The following KCTD20 variants were observed in gnomAD, a reference collection of about 807,000 sequenced individuals.
KCTD20 encodes the protein potassium channel tetramerization domain containing 20, also known as BTB/POZ domain-containing protein KCTD20.
KCTD20 carries 30 observed loss-of-function variants against 39.6 expected under a neutral mutation model. The observed-to-expected ratio is 0.76, with a 90% CI of 0.57 to 1.03. The LOEUF is 1.03. Ranked by LOEUF, KCTD20 falls within the 50% of genes least tolerant of loss-of-function variation. KCTD20 has a pLI of 0.00. For missense variants in KCTD20, 422 were observed against 522.0 expected (o/e 0.81, Z 1.87); for synonymous variants, 162 against 180.6 (o/e 0.90, Z 0.83).
intron 6 of KCTD20, among the ~76,000 whole-genome samples, chr6:36,482,207 T>C (rs1177263176): frequency 1.3e-5 from 2 of 152,212 alleles, no homozygotes; most frequent in African/African-American, 4.8e-5. Context: ...TCTCCTCCTT[T>C]TTCAAATGTA....
chr6:36,485,314 C>CA (rs549109044), intron 7 of KCTD20, among the ~76,000 whole-genome samples: 2,925 of 134,920 alleles, frequency 0.022, 93 homozygotes, highest in African/African-American at 0.068. Flanking sequence ...AACTTCATCT[C>CA]AAAAAAAAAA....
chr6:36,455,727 G>A (rs1359569757), intron 1 of KCTD20, among the ~76,000 whole-genome samples: 1 of 152,186 alleles, frequency 6.6e-6, no homozygotes, highest in African/African-American at 2.4e-5. Context: ...AGCCAGGAGG[G>A]ACAGGCAGGA....
intron 1 of KCTD20, among the ~76,000 whole-genome samples, chr6:36,452,060 C>T (rs1775273317): frequency 6.6e-6 from 1 of 152,212 alleles, no homozygotes; most frequent in Non-Finnish European, 1.5e-5. Context: ...ATCTGCCCAC[C>T]TTGGCCTCCC....
At chr6:36,463,157 T>C (rs1775648841) in intron 1 of KCTD20, among the ~76,000 whole-genome samples, 1 of 152,200 alleles carries the variant, frequency 6.6e-6, no homozygotes, top group African/African-American at 2.4e-5. Context: ...TTCTCTTTCA[T>C]ATGGTAATAA....
At chr6:36,474,238 C>A (rs1427164595) in intron 2 of KCTD20, among the ~76,000 whole-genome samples, 2 of 131,020 alleles carry the variant, frequency 1.5e-5, no homozygotes, top group Admixed American at 9.0e-5. Flanking sequence ...CCCCACCCCA[C>A]AACAGTCACC....
In KCTD20 at chr6:36,478,094, CA is replaced by C. The variant is rs1301151019; in HGVS notation, c.435-1016del. ...TGGGCAACAGAGCGAAACTCCATCT[CA>C]AAAAAAAAAAGAAAAGAAAAGCAGC... On this transcript the variant is annotated intron_variant, in intron 3 of 7. Coordinates refer to ENST00000373731, the MANE Select transcript of KCTD20 (RefSeq NM_173562.5). 1.1e-3 allele frequency among the ~76,000 whole-genome samples: 94 copies of C among 87,558 alleles called. 1 individual carries two copies. The highest frequency in any genetic ancestry group is 1.5e-3 in the Non-Finnish European group (70 of 46,026). The allele number at this position is 87,558 out of a possible 152,430, so 57.4% of individuals were successfully genotyped here.
chr6:36,479,981 T>C (rs545859665), intron 5 of KCTD20, among the ~76,000 whole-genome samples: 1 of 151,914 alleles, frequency 6.6e-6, no homozygotes, highest in Admixed American at 6.6e-5. Flanking sequence ...TTAGTAGAGA[T>C]AGGGTTTTGC....
In KCTD20 at chr6:36,487,351, T is replaced by C. The variant is rs1391059320; in HGVS notation, c.*176T>C. On this transcript the variant is annotated 3_prime_UTR_variant, in exon 8 of 8. Coordinates refer to ENST00000373731, the MANE Select transcript of KCTD20 (RefSeq NM_173562.5). ...GTAAGTCCATGCCTCTGGCAGGGGATGAAGAAGTACTCACTGGTAATTAGC... is the reference window on the plus strand; with the variant it reads ...GTAAGTCCATGCCTCTGGCAGGGGACGAAGAAGTACTCACTGGTAATTAGC... 6 of 646,282 alleles carry C rather than the reference T, an allele frequency of 9.3e-6. No homozygotes were observed. Among genetic ancestry groups the C allele is most frequent in the Non-Finnish European group, 1.6e-5 (6 of 385,326 alleles). 40.0% of individuals were successfully genotyped at this position (646,282 alleles called of 1,614,324 possible). A position where few individuals can be genotyped will look rare whatever the true frequency, so the allele number is the denominator to read the frequency against.
At chr6:36,464,619 A>G (rs895066824) in intron 1 of KCTD20, among the ~76,000 whole-genome samples, 1 of 152,036 alleles carries the variant, frequency 6.6e-6, no homozygotes, top group African/African-American at 2.4e-5. Flanking sequence ...CCCTCCCCCA[A>G]ACTTCATCCC....
intron 3 of KCTD20, among the ~76,000 whole-genome samples, chr6:36,476,824 T>C (rs1776078865): frequency 6.6e-6 from 1 of 152,196 alleles, no homozygotes; most frequent in Non-Finnish European, 1.5e-5. Flanking sequence ...TTTTCCAGAC[T>C]GGCCCTCTAT....
chr6:36,470,712 C>T (rs929902277), intron 2 of KCTD20, among the ~76,000 whole-genome samples: 1 of 152,130 alleles, frequency 6.6e-6, no homozygotes, highest in African/African-American at 2.4e-5. Flanking sequence ...GTGAGCCTCT[C>T]ACCTCAGCCT....
At chr6:36,460,966 A>C (rs1239869903) in intron 1 of KCTD20, among the ~76,000 whole-genome samples, 1 of 152,080 alleles carries the variant, frequency 6.6e-6, no homozygotes, top group Non-Finnish European at 1.5e-5. Flanking sequence ...GTGTAAAATG[A>C]GGGTAACAAT....
chr6:36,464,752 A>G (rs1775693465), intron 1 of KCTD20, among the ~76,000 whole-genome samples: 1 of 152,212 alleles, frequency 6.6e-6, no homozygotes, highest in Non-Finnish European at 1.5e-5. Context: ...GAAAAAGCAC[A>G]ATGGAACTAG....
Position 36,489,555 on chromosome 6 carries a change from C to G in KCTD20, c.*2380C>G, listed in dbSNP as rs1379243521. On this transcript the variant is annotated 3_prime_UTR_variant, in exon 8 of 8. Transcript: ENST00000373731. The stretch of plus-strand genomic sequence containing the variant: ...TTATTTCTATGCCCCTCCCACCACC[C>G]TCCACCTAGAGCTCACCCAAGCCTG... 1 of 152,198 alleles carries G rather than the reference C, an allele frequency of 6.6e-6. No individual in the cohort carries two copies. Among genetic ancestry groups the G allele is most frequent in the Non-Finnish European group, 1.5e-5 (1 of 68,040 alleles). The allele number at this position is 152,198 out of a possible 1,614,324, so 9.4% of individuals were successfully genotyped here.
At chr6:36,464,561 A>G (rs1344246645) in intron 1 of KCTD20, among the ~76,000 whole-genome samples, 1 of 152,126 alleles carries the variant, frequency 6.6e-6, no homozygotes, top group Non-Finnish European at 1.5e-5. Flanking sequence ...ATAGTCCTAG[A>G]AGGAGGTCTT....
intron 6 of KCTD20, 35 bp from the exon 7 acceptor site, chr6:36,484,679 A>T: frequency 1.0e-6 from 1 of 987,268 alleles, no homozygotes; most frequent in Non-Finnish European, 1.6e-6. Flanking sequence ...TTAGGTCTTT[A>T]CTCCATGGCT....
Position 36,469,519 on chromosome 6 carries a change from A to G in KCTD20, c.-46-533A>G, listed in dbSNP as rs552923497. Reference sequence around the variant, plus strand: ...GCATAAGGTATACAAAGTGAAAGAGAGAAAAGGGGAGATAAAAAGGAGAAC... The same window carrying G: ...GCATAAGGTATACAAAGTGAAAGAGGGAAAAGGGGAGATAAAAAGGAGAAC... On this transcript the variant is annotated intron_variant, in intron 1 of 7. Coordinates refer to ENST00000373731, the MANE Select transcript of KCTD20 (RefSeq NM_173562.5). This position sits in a 1 kb window ranked among gnomAD's most constrained non-coding sequence, Gnocchi z 4.6. 1.4e-4 allele frequency among the ~76,000 whole-genome samples: 13 copies of G among 90,660 alleles called. No individual in the cohort carries two copies. The East Asian group carries it at 6.1e-3, about 42-fold the overall frequency. 59.5% of individuals were successfully genotyped at this position (90,660 alleles called of 152,430 possible). A position where few individuals can be genotyped will look rare whatever the true frequency, so the allele number is the denominator to read the frequency against.
chr6:36,455,946 G>A (rs1437266064), intron 1 of KCTD20, among the ~76,000 whole-genome samples: 2 of 152,124 alleles, frequency 1.3e-5, no homozygotes, highest in Admixed American at 6.5e-5. Context: ...TTTGAATAAC[G>A]GGACTGTAGC....
intron 1 of KCTD20, among the ~76,000 whole-genome samples, chr6:36,455,146 G>A (rs1027306786): frequency 6.6e-6 from 1 of 151,792 alleles, no homozygotes; most frequent in Non-Finnish European, 1.5e-5. Flanking sequence ...AGTGGCTTAC[G>A]CCTGTAATCC....
Sources: allele counts gnomAD v4.1 joint callset (sites outside exome capture counted in the v4.1 genomes callset), GRCh38; gene constraint gnomAD v4.1.1; non-coding constraint Gnocchi (gnomAD v3.1); transcripts MANE v1.5; gene names NCBI Gene and HGNC (gene_info 2026-07-23, HGNC 2026-07-21).